ST3GAL3: variants seen among roughly 807,000 people sequenced by gnomAD.
ST3GAL3 encodes the protein CMP-N-acetylneuraminate-beta-1,4-galactoside alpha-2,3-sialyltransferase.
ST3GAL3 carries 21 observed loss-of-function variants against 50.1 expected under a neutral mutation model. That is an observed-to-expected ratio of 0.42 (90% CI 0.30 to 0.60). The LOEUF (loss-of-function observed/expected upper bound fraction) is 0.60. Among genes scored for constraint, ST3GAL3 ranks in the 20% least tolerant of loss-of-function variants. ST3GAL3 has a pLI of 0.19. For missense variants in ST3GAL3, 353 were observed against 489.4 expected, an observed-to-expected ratio of 0.72 and a Z score of 2.63; for synonymous variants, 183 against 190.0, an observed-to-expected ratio of 0.96 and a Z score of 0.30.
chr1:43,889,307 GAAGT>G (rs1412064450), intron 5 of ST3GAL3, among the ~76,000 whole-genome samples: 1 of 151,930 alleles, frequency 6.6e-6, no homozygotes, highest in East Asian at 1.9e-4. Flanking sequence ...TATGGGACTA[GAAGT>G]AACGGGACAG....
chr1:43,749,709 G>A, intron 2 of ST3GAL3, among the ~76,000 whole-genome samples: 1 of 152,228 alleles, frequency 6.6e-6, no homozygotes, highest in East Asian at 1.9e-4. Context: ...AGAAATTCTT[G>A]TGTTAGAAAC....
At chr1:43,759,422 T>G (rs982607120) in intron 2 of ST3GAL3, among the ~76,000 whole-genome samples, 2 of 152,032 alleles carry the variant, frequency 1.3e-5, no homozygotes, top group Non-Finnish European at 2.9e-5. Context: ...CCATCCTGGG[T>G]GACAGAGCGA....
At chr1:43,926,158 TGTGAGTTGTTA>T (rs2083880898) in intron 11 of ST3GAL3, among the ~76,000 whole-genome samples, 1 of 152,170 alleles carries the variant, frequency 6.6e-6, no homozygotes, top group African/African-American at 2.4e-5. Context: ...AGTATAGATC[TGTGAGTTGTTA>T]GCACAGCCGC....
intron 4 of ST3GAL3, among the ~76,000 whole-genome samples, chr1:43,835,328 C>G (rs989368508): frequency 6.6e-6 from 1 of 152,112 alleles, no homozygotes; most frequent in African/African-American, 2.4e-5. Flanking sequence ...TGCTGGATGA[C>G]TCAGAATCCC....
At chr1:43,898,944 G>A in intron 7 of ST3GAL3, 1 of 598,944 alleles carries the variant, frequency 1.7e-6, no homozygotes, top group South Asian at 2.1e-5. Flanking sequence ...TGTTTTCCTG[G>A]GGAAGTGTCA....
intron 2 of ST3GAL3, among the ~76,000 whole-genome samples, chr1:43,750,201 T>G (rs1459286126): frequency 6.6e-6 from 1 of 152,184 alleles, no homozygotes; most frequent in Non-Finnish European, 1.5e-5. Context: ...ATGCTTCAAC[T>G]TAGCAACTCT....
At chr1:43,873,322 T>C (rs1370994911) in intron 5 of ST3GAL3, among the ~76,000 whole-genome samples, 1 of 152,152 alleles carries the variant, frequency 6.6e-6, no homozygotes, top group African/African-American at 2.4e-5. Context: ...AAGAGAGTAA[T>C]TTAGGCCAAC....
At chr1:43,767,938 G>A (rs1408049981) in intron 2 of ST3GAL3, among the ~76,000 whole-genome samples, 2 of 151,684 alleles carry the variant, frequency 1.3e-5, no homozygotes, top group African/African-American at 4.8e-5. Flanking sequence ...AATAACCGAA[G>A]GTTGAAAAAA....
chr1:43,732,761 A>C (rs1421757821), intron 1 of ST3GAL3, among the ~76,000 whole-genome samples: 1 of 152,174 alleles, frequency 6.6e-6, no homozygotes, highest in Non-Finnish European at 1.5e-5. Context: ...ATGAACATTC[A>C]TGTACATGTC....
chr1:43,807,189 G>A (rs1306736568), intron 3 of ST3GAL3, among the ~76,000 whole-genome samples: 2 of 152,090 alleles, frequency 1.3e-5, no homozygotes, highest in African/African-American at 4.8e-5. Context: ...GGTTGAGGCA[G>A]GCGGATTACC....
chr1:43,842,030 G>A (rs1277085468), intron 5 of ST3GAL3: 1 of 152,216 alleles, frequency 6.6e-6, no homozygotes. Flanking sequence ...CCTTGGGAAA[G>A]GGCACAATGC....
At chr1:43,858,125 T>G in intron 5 of ST3GAL3, 1 of 1,289,368 alleles carries the variant, frequency 7.8e-7, no homozygotes, top group Non-Finnish European at 1.0e-6. Context: ...TCTGTACCTA[T>G]CTTCCCCAGA....
chr1:43,763,191 C>T (rs760802979), intron 2 of ST3GAL3, among the ~76,000 whole-genome samples: 11 of 152,102 alleles, frequency 7.2e-5, no homozygotes, highest in Admixed American at 1.3e-4. Context: ...TTCCCCCATC[C>T]GGTGAGTACT....
intron 2 of ST3GAL3, among the ~76,000 whole-genome samples, chr1:43,786,890 ATTTTC>A (rs1366843114): frequency 6.6e-6 from 1 of 152,016 alleles, no homozygotes; most frequent in Non-Finnish European, 1.5e-5. Flanking sequence ...TGAGGGAACA[ATTTTC>A]TTTTAGTTCA....
At chr1:43,708,452 A>C (rs1274284738) in intron 1 of ST3GAL3, among the ~76,000 whole-genome samples, 1 of 152,188 alleles carries the variant, frequency 6.6e-6, no homozygotes, top group African/African-American at 2.4e-5. Flanking sequence ...TTTTCAGTGG[A>C]TGTACTGTGA....
intron 4 of ST3GAL3, among the ~76,000 whole-genome samples, chr1:43,815,835 A>G (rs1273279747): frequency 6.6e-6 from 1 of 152,122 alleles, no homozygotes; most frequent in Non-Finnish European, 1.5e-5. Context: ...GCACCTAGAC[A>G]GTATTGGCGT....
intron 2 of ST3GAL3, among the ~76,000 whole-genome samples, chr1:43,745,074 G>A (rs1485949480): frequency 2.0e-5 from 3 of 152,162 alleles, no homozygotes. Flanking sequence ...CTGACTTAAG[G>A]TCAGGAGTTT....
chr1:43,907,767 C>T (rs2428963), intron 9 of ST3GAL3, among the ~76,000 whole-genome samples: 14,255 of 152,206 alleles, frequency 0.094, 896 homozygotes, highest in South Asian at 0.23. Context: ...ACCTCTTTGC[C>T]GGGTCCTCCT....
At chr1:43,754,674 AAAC>A (rs1687397269) in intron 2 of ST3GAL3, among the ~76,000 whole-genome samples, 1 of 152,212 alleles carries the variant, frequency 6.6e-6, no homozygotes, top group African/African-American at 2.4e-5. Context: ...GTAACCAAGA[AAAC>A]AAAAGATTAT....
Sources: gnomAD v4.1 joint callset for allele counts (sites outside exome capture counted in the v4.1 genomes callset) on GRCh38, gnomAD v4.1.1 for gene constraint, MANE v1.5 for transcripts, NCBI Gene and HGNC (gene_info 2026-07-23, HGNC 2026-07-21) for gene names.